The following GRAMD1B variants were observed in gnomAD, a reference collection of about 807,000 sequenced individuals.
GRAMD1B encodes protein Aster-B.
Under a neutral mutation model 99.7 loss-of-function variants are expected in GRAMD1B, and 37 were observed. That is an observed-to-expected ratio of 0.37 (90% CI 0.29 to 0.49). GRAMD1B has a LOEUF of 0.49. GRAMD1B is among the 20% of genes least tolerant of loss of function. The pLI is 0.98. For synonymous variants in GRAMD1B, 427 were observed against 387.6 expected, an observed-to-expected ratio of 1.10 and a Z score of -1.19; for missense variants, 888 against 1,009.2, an observed-to-expected ratio of 0.88 and a Z score of 1.63.
intron 17 of GRAMD1B, among the ~76,000 whole-genome samples, chr11:123,617,828 G>A (rs1051528809): frequency 1.3e-5 from 2 of 151,476 alleles, no homozygotes; most frequent in African/African-American, 4.8e-5. Context: ...GAGGCTGAGA[G>A]AAGGAGAGAA....
intron 2 of GRAMD1B, among the ~76,000 whole-genome samples, chr11:123,553,351 C>T (rs73027966): frequency 0.068 from 5,972 of 88,364 alleles, 188 homozygotes; most frequent in Middle Eastern, 0.1. Flanking sequence ...CCCTAGTAAG[C>T]TCTGTTCCCA....
At chr11:123,389,956 C>T (rs1947213945) in intron 1 of GRAMD1B, among the ~76,000 whole-genome samples, 3 of 152,034 alleles carry the variant, frequency 2.0e-5, no homozygotes, top group Non-Finnish European at 2.9e-5. Flanking sequence ...AGGGTTTCAC[C>T]ATGTTGGCCA....
intron 1 of GRAMD1B, among the ~76,000 whole-genome samples, chr11:123,462,890 TTAAAAAAAA>T (rs1950496884): frequency 8.1e-6 from 1 of 123,114 alleles, no homozygotes; most frequent in South Asian, 2.6e-4. Context: ...AAAAAATAAA[TTAAAAAAAA>T]AAAAAAAAAA....
At chr11:123,449,748 C>T (rs1330017337) in intron 1 of GRAMD1B, among the ~76,000 whole-genome samples, 3 of 110,366 alleles carry the variant, frequency 2.7e-5, no homozygotes, top group Non-Finnish European at 5.8e-5. Context: ...GGGTCTAACT[C>T]TGTCACCCAG....
At chr11:123,481,369 G>A (rs1443002667) in intron 2 of GRAMD1B, among the ~76,000 whole-genome samples, 3 of 152,118 alleles carry the variant, frequency 2.0e-5, no homozygotes, top group Admixed American at 6.5e-5. Context: ...CAGGAGAATC[G>A]CTTGAACCTG....
intron 1 of GRAMD1B, among the ~76,000 whole-genome samples, chr11:123,453,322 A>T (rs1385810496): frequency 6.6e-6 from 1 of 151,960 alleles, no homozygotes; most frequent in African/African-American, 2.4e-5. Flanking sequence ...GCAAGTATAT[A>T]TATCTTTTTA....
At chr11:123,596,185 C>T (rs1951248767) in intron 7 of GRAMD1B, 148 bp downstream of exon 7, 1 of 554,726 alleles carries the variant, frequency 1.8e-6, no homozygotes, top group Non-Finnish European at 3.2e-6. Flanking sequence ...GGAAGCACCT[C>T]CTGGGTGGAC....
intron 1 of GRAMD1B, among the ~76,000 whole-genome samples, chr11:123,402,389 T>C (rs572107316): frequency 2.8e-4 from 42 of 152,310 alleles, no homozygotes; most frequent in Admixed American, 2.4e-3. Flanking sequence ...AGATAGATAA[T>C]AATAACAAAG....
intron 1 of GRAMD1B, among the ~76,000 whole-genome samples, chr11:123,370,337 CTTTTTTTTTTTTT>C (rs1163332610): frequency 2.9e-5 from 3 of 102,844 alleles, no homozygotes; most frequent in Non-Finnish European, 5.4e-5. Flanking sequence ...GAAGTTATCT[CTTTTTTTTTTTTT>C]TTTTTTTTGA....
intron 2 of GRAMD1B, chr11:123,560,563 C>T (rs1970744): frequency 2.7e-6 from 2 of 744,126 alleles, no homozygotes; most frequent in South Asian, 1.4e-5. Flanking sequence ...GCCCCCGCTC[C>T]CCGCCCCCGC....
chr11:123,535,115 G>A (rs534862786), intron 2 of GRAMD1B, among the ~76,000 whole-genome samples: 1 of 152,134 alleles, frequency 6.6e-6, no homozygotes, highest in Admixed American at 6.5e-5. Flanking sequence ...CAACCAAAGA[G>A]CATGGAGATG....
intron 1 of GRAMD1B, among the ~76,000 whole-genome samples, chr11:123,442,719 G>A (rs574153425): frequency 1.1e-4 from 17 of 152,162 alleles, no homozygotes; most frequent in African/African-American, 2.2e-4. Context: ...GCAGTGAGCC[G>A]AGATCGCACC....
At chr11:123,365,438 G>A (rs1010854976) in intron 1 of GRAMD1B, among the ~76,000 whole-genome samples, 2 of 152,262 alleles carry the variant, frequency 1.3e-5, no homozygotes, top group Middle Eastern at 3.4e-3. Context: ...TTTTAGTAGA[G>A]ACGGGGTTTC....
intron 1 of GRAMD1B, among the ~76,000 whole-genome samples, chr11:123,445,818 CAAA>C (rs36123733): frequency 7.4e-5 from 7 of 94,152 alleles, no homozygotes; most frequent in African/African-American, 2.0e-4. Context: ...CACTTGTCTC[CAAA>C]AAAAAAAAAA....
At chr11:123,476,980 A>C (rs2134753485) in intron 1 of GRAMD1B, among the ~76,000 whole-genome samples, 1 of 152,244 alleles carries the variant, frequency 6.6e-6, no homozygotes, top group East Asian at 1.9e-4. Context: ...ATTGAATCTT[A>C]CTTTCCTGAT....
chr11:123,513,577 CT>C (rs372525978), intron 2 of GRAMD1B, among the ~76,000 whole-genome samples: 466 of 28,362 alleles, frequency 0.016, 5 homozygotes, highest in African/African-American at 0.053. Context: ...TCCTTCCTTC[CT>C]TTCCTTCCTT....
In GRAMD1B at chr11:123,487,690, C is replaced by T. The variant is rs1421570068; in HGVS notation, c.452+6797C>T. Among the ~76,000 whole-genome samples the T allele has an allele frequency of 2.0e-5, 3 of 152,166 alleles. No individual in the cohort carries two copies. The East Asian group carries it at 5.8e-4, about 29-fold the overall frequency. On this transcript the variant is annotated intron_variant, in intron 2 of 19. Coordinates refer to ENST00000635736, the MANE Select transcript of GRAMD1B (RefSeq NM_001387025.1). ...TGCAATCTCGGCTCACTGCAACCTC[C>T]GCCTCCTGGGTTCAAGCAAGTGTCT... is the stretch of plus-strand genomic sequence containing the variant.
At chr11:123,416,033 G>C (rs1948222232) in intron 1 of GRAMD1B, among the ~76,000 whole-genome samples, 1 of 152,154 alleles carries the variant, frequency 6.6e-6, no homozygotes, top group Non-Finnish European at 1.5e-5. Flanking sequence ...AATGGTTTTA[G>C]CTTGGGTTGA....
At chr11:123,381,106 T>A (rs528640976) in intron 1 of GRAMD1B, among the ~76,000 whole-genome samples, 5 of 152,270 alleles carry the variant, frequency 3.3e-5, no homozygotes, top group African/African-American at 1.2e-4. Context: ...TCTGAGGGGC[T>A]CTGGGAGTGT....
Sources: gnomAD v4.1 joint callset for allele counts (sites outside exome capture counted in the v4.1 genomes callset) on GRCh38, gnomAD v4.1.1 for gene constraint, MANE v1.5 for transcripts, NCBI Gene and HGNC (gene_info 2026-07-23, HGNC 2026-07-21) for gene names.